The following MACROD2 variants were observed in gnomAD, a reference collection of about 807,000 sequenced individuals.
The protein encoded by MACROD2 is ADP-ribose glycohydrolase MACROD2.
A neutral mutation model predicts 70.4 loss-of-function variants in MACROD2; 36 were observed. The observed-to-expected ratio is 0.51, with a 90% CI of 0.39 to 0.68. The LOEUF (loss-of-function observed/expected upper bound fraction) is 0.68, where lower values mean the gene tolerates loss of function less well. Among genes scored for constraint, MACROD2 ranks in the 30% least tolerant of loss-of-function variants. The probability of loss-of-function intolerance (pLI) is 0.00; values close to 1 mark genes in which losing one functional copy is unlikely to be tolerated. For synonymous variants in MACROD2, 172 were observed against 178.8 expected (o/e 0.96, Z 0.30); for missense variants, 496 against 538.4 (o/e 0.92, Z 0.78).
chr20:14,315,224 A>C (rs1568551101), intron 3 of MACROD2, among the ~76,000 whole-genome samples: 1 of 152,196 alleles, frequency 6.6e-6, no homozygotes. Context: ...AGTTGCTTTA[A>C]CTGTTTGAAC....
chr20:14,970,647 T>A (rs2074682334), intron 5 of MACROD2, among the ~76,000 whole-genome samples: 1 of 152,092 alleles, frequency 6.6e-6, no homozygotes, highest in Non-Finnish European at 1.5e-5. Context: ...AAAAATTTAT[T>A]TAGTCATTCA....
At chr20:15,140,655 G>C (rs1056747701) in intron 5 of MACROD2, among the ~76,000 whole-genome samples, 12 of 152,072 alleles carry the variant, frequency 7.9e-5, no homozygotes, top group Admixed American at 1.3e-4. Context: ...AGTGAGGCTG[G>C]GCTGGCAATA....
intron 3 of MACROD2, among the ~76,000 whole-genome samples, chr20:14,266,740 A>G (rs1358509550): frequency 3.9e-5 from 6 of 152,166 alleles, no homozygotes; most frequent in Admixed American, 3.3e-4. Context: ...AGAAGAGACT[A>G]TTTGCTGTGG....
intron 3 of MACROD2, chr20:14,325,603 C>T (rs776493788): frequency 2.5e-6 from 4 of 1,613,308 alleles, no homozygotes; most frequent in Admixed American, 3.3e-5. Flanking sequence ...GTCTCTGTAG[C>T]TTCGGTTACT....
At chr20:14,709,986 GTATT>G (rs565944402) in intron 5 of MACROD2, among the ~76,000 whole-genome samples, 140 of 152,200 alleles carry the variant, frequency 9.2e-4, no homozygotes, top group South Asian at 8.7e-3. Context: ...TTGATCAACT[GTATT>G]TATTTTTATT....
intron 3 of MACROD2, among the ~76,000 whole-genome samples, chr20:14,384,624 C>A (rs1193291103): frequency 6.6e-6 from 1 of 152,084 alleles, no homozygotes; most frequent in African/African-American, 2.4e-5. Flanking sequence ...GGAGTCTGAG[C>A]AAGTGGATGT....
chr20:14,729,185 T>C (rs1190265979), intron 5 of MACROD2, among the ~76,000 whole-genome samples: 2 of 152,166 alleles, frequency 1.3e-5, no homozygotes, highest in African/African-American at 4.8e-5. Flanking sequence ...TCTGTTATTC[T>C]GACTTTAACA....
Position 15,985,335 on chromosome 20 carries a change from A to G in MACROD2, c.986-1392A>G, listed in dbSNP as rs2105203. On this transcript the variant is annotated intron_variant, in intron 13 of 17. Coordinates refer to ENST00000684519, the MANE Select transcript of MACROD2 (RefSeq NM_001351661.2). ...TAGTAAGCCAAAATCACGAAATTCA[A>G]AATCCGAGTTCCAAAAGATTCAAGA... Among the ~76,000 whole-genome samples, 2,162 of 152,290 alleles carry G rather than the reference A, an allele frequency of 0.014. 182 individuals carry two copies. In the East Asian group the frequency reaches 0.22, roughly 16 times the overall value.
At chr20:14,365,029 G>C (rs1484635140) in intron 3 of MACROD2, among the ~76,000 whole-genome samples, 1 of 152,170 alleles carries the variant, frequency 6.6e-6, no homozygotes, top group East Asian at 1.9e-4. Flanking sequence ...CTTGAAAGAG[G>C]TTGTTAAGGA....
rs2082767886 is a variant in MACROD2, at chr20:14,328,069, C to T, written c.272-165410C>T. Among the ~76,000 whole-genome samples the T allele has an allele frequency of 2.6e-5, 4 of 152,016 alleles. No homozygotes were observed. In the South Asian group the frequency reaches 8.3e-4, roughly 32 times the overall value. On this transcript the variant is annotated intron_variant, in intron 3 of 17. Coordinates refer to ENST00000684519, the MANE Select transcript of MACROD2 (RefSeq NM_001351661.2). The stretch of plus-strand genomic sequence containing the variant: ...GAAAAATGTCATAAAAATACCTATT[C>T]TCTTCATACTCAGGAATAGTTACAC...
intron 3 of MACROD2, among the ~76,000 whole-genome samples, chr20:14,236,142 G>A (rs1212491178): frequency 1.3e-5 from 2 of 151,996 alleles, no homozygotes; most frequent in Admixed American, 1.3e-4. Context: ...AAATTCATGT[G>A]TATTTTTGAA....
chr20:14,720,828 A>G (rs569612117), intron 5 of MACROD2, among the ~76,000 whole-genome samples: 88 of 152,110 alleles, frequency 5.8e-4, no homozygotes, highest in African/African-American at 2.0e-3. Context: ...CTGGGATTAC[A>G]GGCAGAAGCC....
chr20:14,890,989 T>C (rs6042968), intron 5 of MACROD2, among the ~76,000 whole-genome samples: 1,507 of 69,754 alleles, frequency 0.022, 17 homozygotes, highest in Middle Eastern at 0.044. Flanking sequence ...CTTCCTTCCT[T>C]CCTCCCTCCC....
intron 5 of MACROD2, among the ~76,000 whole-genome samples, chr20:14,933,151 C>CT (rs2074310922): frequency 6.6e-6 from 1 of 151,786 alleles, no homozygotes; most frequent in Non-Finnish European, 1.5e-5. Context: ...GAAATCTGGA[C>CT]TTTAACACAA....
intron 3 of MACROD2, among the ~76,000 whole-genome samples, chr20:14,268,729 T>G (rs1334534173): frequency 6.6e-6 from 1 of 152,202 alleles, no homozygotes; most frequent in African/African-American, 2.4e-5. Flanking sequence ...ATCAAAATAT[T>G]AACTATTCAT....
At chr20:14,620,388 G>A (rs1983760138) in intron 4 of MACROD2, among the ~76,000 whole-genome samples, 1 of 152,036 alleles carries the variant, frequency 6.6e-6, no homozygotes, top group African/African-American at 2.4e-5. Context: ...TTTGTGTTCT[G>A]TCATTGAGAT....
intron 3 of MACROD2, among the ~76,000 whole-genome samples, chr20:14,426,216 T>G (rs577466693): frequency 6.6e-6 from 1 of 152,270 alleles, no homozygotes; most frequent in East Asian, 1.9e-4. Context: ...TGGACTGGCC[T>G]TTCTTTCTTA....
intron 3 of MACROD2, among the ~76,000 whole-genome samples, chr20:14,404,890 TAATTA>T (rs773071164): frequency 3.3e-5 from 5 of 151,810 alleles, no homozygotes; most frequent in Non-Finnish European, 5.9e-5. Flanking sequence ...CTGAAGTCAC[TAATTA>T]AAGAAAAAAG....
chr20:15,468,816 C>G (rs1453102822), intron 7 of MACROD2, among the ~76,000 whole-genome samples: 3 of 152,210 alleles, frequency 2.0e-5, no homozygotes, highest in African/African-American at 7.2e-5. Context: ...AAGTATCACT[C>G]TGTCATGCAA....
Sources: gnomAD v4.1 joint callset for allele counts (sites outside exome capture counted in the v4.1 genomes callset) on GRCh38, gnomAD v4.1.1 for gene constraint, MANE v1.5 for transcripts, NCBI Gene and HGNC (gene_info 2026-07-23, HGNC 2026-07-21) for gene names.